PHACTR1: variants seen among roughly 807,000 people sequenced by gnomAD.
PHACTR1 encodes the protein RPEL repeat containing 1.
PHACTR1 carries 16 observed loss-of-function variants against 69.2 expected under a neutral mutation model. The ratio of observed to expected loss-of-function variants is 0.23; its 90% CI spans 0.16 to 0.35. The LOEUF (loss-of-function observed/expected upper bound fraction) is 0.35. Ranked by LOEUF, PHACTR1 falls within the 10% of genes least tolerant of loss-of-function variation. PHACTR1 has a pLI of 1.00. For synonymous variants in PHACTR1, 312 were observed against 284.5 expected (o/e 1.10, Z -0.97); for missense variants, 510 against 734.7 (o/e 0.69, Z 3.54).
intron 5 of PHACTR1, among the ~76,000 whole-genome samples, chr6:13,120,821 A>G (rs1465568944): frequency 1.3e-5 from 2 of 152,174 alleles, no homozygotes; most frequent in Non-Finnish European, 2.9e-5. Context: ...TTTAAAGCAC[A>G]TGTTTGCCTC....
intron 5 of PHACTR1, among the ~76,000 whole-genome samples, chr6:13,149,429 C>A (rs1234035308): frequency 1.3e-5 from 2 of 148,190 alleles, no homozygotes; most frequent in Admixed American, 6.6e-5. Context: ...GGTTACTATT[C>A]TGCAAAAACA....
chr6:12,897,945 A>T (rs1463624597), intron 4 of PHACTR1, among the ~76,000 whole-genome samples: 6 of 152,016 alleles, frequency 3.9e-5, no homozygotes, highest in Non-Finnish European at 7.4e-5. Flanking sequence ...ACTCCCATTT[A>T]TAAGTGAGAA....
chr6:13,187,557 A>G (rs960721113), intron 7 of PHACTR1, among the ~76,000 whole-genome samples: 2 of 152,228 alleles, frequency 1.3e-5, no homozygotes, highest in African/African-American at 4.8e-5. Context: ...TAGGCAGTGA[A>G]AAAACTTTGG....
chr6:13,211,736 G>C (rs1351604926), intron 8 of PHACTR1, among the ~76,000 whole-genome samples: 1 of 152,024 alleles, frequency 6.6e-6, no homozygotes, highest in African/African-American at 2.4e-5. Flanking sequence ...ACTTCTACAT[G>C]CTCCTTCTTC....
In PHACTR1 at chr6:13,179,913, A is replaced by T. The variant is rs919595511; in HGVS notation, c.497-2606A>T. ...AGACATTGGAATATTAATACATGAAAATTTCATTTACTGGAATTTATCCTA... is the reference window on the plus strand; with the variant it reads ...AGACATTGGAATATTAATACATGAATATTTCATTTACTGGAATTTATCCTA... On this transcript the variant is annotated intron_variant, in intron 6 of 14. Coordinates refer to ENST00000332995, the MANE Select transcript of PHACTR1 (RefSeq NM_030948.6). The surrounding 1 kb of genome is among the most constrained non-coding windows in gnomAD (Gnocchi z 4.2). Among the ~76,000 whole-genome samples the T allele has an allele frequency of 3.9e-5, 6 of 152,190 alleles. No individual in the cohort carries two copies. The highest frequency in any genetic ancestry group is 8.8e-5 in the Non-Finnish European group (6 of 68,028).
intron 5 of PHACTR1, among the ~76,000 whole-genome samples, chr6:13,088,107 A>G (rs6458624): frequency 0.81 from 122,498 of 152,058 alleles, 49,486 homozygotes; most frequent in East Asian, 0.93. Flanking sequence ...CCAGAAAAAT[A>G]AGACACAATT....
intron 5 of PHACTR1, among the ~76,000 whole-genome samples, chr6:13,091,429 G>T (rs1404687542): frequency 1.3e-5 from 2 of 152,180 alleles, no homozygotes; most frequent in African/African-American, 4.8e-5. Flanking sequence ...CACTGAGTTT[G>T]TTCTTTAGTG....
At chr6:13,267,847 A>G (rs1226761613) in intron 10 of PHACTR1, 2 of 19,138 alleles carry the variant, frequency 1.0e-4, no homozygotes, top group African/African-American at 1.4e-4. Context: ...TGAAAAAAAA[A>G]AAAAAAAAAA....
intron 10 of PHACTR1, among the ~76,000 whole-genome samples, chr6:13,262,305 G>T (rs1776026452): frequency 6.6e-6 from 1 of 152,206 alleles, no homozygotes; most frequent in African/African-American, 2.4e-5. Context: ...TGGAGAGGAA[G>T]ATGTATGGGG....
chr6:12,753,781 G>A (rs1766901799), intron 4 of PHACTR1, among the ~76,000 whole-genome samples: 1 of 151,912 alleles, frequency 6.6e-6, no homozygotes, highest in Admixed American at 6.6e-5. Context: ...TTCCTATAAG[G>A]ATGGATGGGT....
chr6:12,770,129 C>G (rs2127624723), intron 4 of PHACTR1, among the ~76,000 whole-genome samples: 1 of 152,326 alleles, frequency 6.6e-6, no homozygotes, highest in South Asian at 2.1e-4. Flanking sequence ...TGGAAAGCCT[C>G]CTTGCTGTGC....
intron 8 of PHACTR1, among the ~76,000 whole-genome samples, chr6:13,215,636 T>A (rs181002540): frequency 6.6e-6 from 1 of 152,352 alleles, no homozygotes; most frequent in African/African-American, 2.4e-5. Flanking sequence ...GAATATTTTT[T>A]AAGAAAAATC....
intron 4 of PHACTR1, among the ~76,000 whole-genome samples, chr6:12,880,849 A>G (rs1783020188): frequency 2.7e-5 from 4 of 147,514 alleles, no homozygotes; most frequent in Admixed American, 2.0e-4. Flanking sequence ...CAGAGGTTTC[A>G]TGTTCGCGGA....
intron 5 of PHACTR1, among the ~76,000 whole-genome samples, chr6:13,107,569 C>G (rs1816370786): frequency 1.3e-5 from 2 of 152,118 alleles, no homozygotes; most frequent in African/African-American, 4.8e-5. Flanking sequence ...ACTATTTGCT[C>G]TCTTTCTTCT....
intron 3 of PHACTR1, among the ~76,000 whole-genome samples, chr6:12,719,096 G>T (rs981428573): frequency 2.0e-5 from 3 of 152,340 alleles, no homozygotes; most frequent in South Asian, 4.1e-4. Flanking sequence ...AGCTATGTTA[G>T]AAATGATTTC....
At chr6:13,186,798 C>T (rs539841139) in intron 7 of PHACTR1, among the ~76,000 whole-genome samples, 2 of 152,272 alleles carry the variant, frequency 1.3e-5, no homozygotes, top group South Asian at 2.1e-4. Context: ...GAGATTATTT[C>T]GGGATGATTC....
rs893216485 is a variant in PHACTR1, at chr6:13,004,780, G to A, written c.251-48585G>A. Among the ~76,000 whole-genome samples the A allele has an allele frequency of 7.2e-5, 11 of 152,070 alleles. 1 individual carries two copies. In the East Asian group the frequency reaches 7.7e-4, roughly 11 times the overall value. On this transcript the variant is annotated intron_variant, in intron 4 of 14. Coordinates refer to ENST00000332995, the MANE Select transcript of PHACTR1 (RefSeq NM_030948.6). ...TGGAGAGTGGATATGTCTGGCCTGC[G>A]TTCACTTCAGATCTGGGCTTTGGCA... is the stretch of plus-strand genomic sequence containing the variant.
At chr6:13,085,766 C>T (rs1812173023) in intron 5 of PHACTR1, among the ~76,000 whole-genome samples, 1 of 151,818 alleles carries the variant, frequency 6.6e-6, no homozygotes, top group South Asian at 2.1e-4. Flanking sequence ...TAAAAATGAA[C>T]ATTAAAATGT....
intron 4 of PHACTR1, among the ~76,000 whole-genome samples, chr6:12,799,946 GT>G (rs1233888753): frequency 1.3e-5 from 2 of 152,182 alleles, no homozygotes; most frequent in Admixed American, 6.5e-5. Flanking sequence ...ATTACAAAAA[GT>G]TTTGACAGAC....
Sources: gnomAD v4.1 joint callset for allele counts (sites outside exome capture counted in the v4.1 genomes callset) on GRCh38, gnomAD v4.1.1 for gene constraint, Gnocchi (gnomAD v3.1) non-coding constraint, MANE v1.5 for transcripts, NCBI Gene and HGNC (gene_info 2026-07-23, HGNC 2026-07-21) for gene names.